Variants in PCDHGB5 observed in about 807,000 individuals in gnomAD.
PCDHGB5 encodes protocadherin gamma subfamily B, 5.
In PCDHGB5, 48 loss-of-function variants were observed where a neutral mutation model predicts 62.9. That is an observed-to-expected ratio of 0.76 (90% CI 0.61 to 0.97). The LOEUF is 0.97. Among genes scored for constraint, PCDHGB5 ranks in the 50% least tolerant of loss-of-function variants. The pLI, the probability that PCDHGB5 is intolerant of heterozygous loss-of-function variation, is 0.00. For missense variants in PCDHGB5, 1,118 were observed against 1,198.6 expected (o/e 0.93, Z 0.99); for synonymous variants, 474 against 511.2 (o/e 0.93, Z 0.98).
chr5:141,414,435 C>T lies in PCDHGB5; in HGVS notation c.2397+13911C>T, dbSNP rs891322256. 4.3e-6 allele frequency: 7 copies of T among 1,613,678 alleles called. No homozygotes were observed. In the African/African-American group the frequency reaches 8.0e-5, roughly 18 times the overall value. On this transcript the variant is annotated intron_variant, in intron 1 of 3. Coordinates refer to ENST00000617380, the MANE Select transcript of PCDHGB5 (RefSeq NM_018925.3). ...GAGCCCTTGACAGGGAACAGGTATC[C>T]TCTTACAATATCACAGTGACAGCCA...
rs2099727742 is a variant in PCDHGB5 at position 141,491,740 on chromosome 5, G to C, written c.2398-3067G>C. On this transcript the variant is annotated intron_variant, in intron 1 of 3. Coordinates refer to ENST00000617380, the MANE Select transcript of PCDHGB5 (RefSeq NM_018925.3). The surrounding 1 kb of genome is among the most constrained non-coding windows in gnomAD (Gnocchi z 6.9). Reference sequence around the variant, plus strand: ...GCCGCCCCGGGCGACCCCTGGGGGCGGCACTGGAGAAGCCGCCCGTCCTCA... The same window carrying C: ...GCCGCCCCGGGCGACCCCTGGGGGCCGCACTGGAGAAGCCGCCCGTCCTCA... The C allele has an allele frequency of 6.3e-7, 1 of 1,597,622 alleles. No homozygotes were observed. The highest frequency in any genetic ancestry group is 8.5e-7 in the Non-Finnish European group (1 of 1,173,228).
chr5:141,412,131 G>A (rs2095537626), intron 1 of PCDHGB5: 1 of 152,156 alleles, frequency 6.6e-6, no homozygotes, highest in Non-Finnish European at 1.5e-5. Flanking sequence ...CTGGACTTTG[G>A]CCTCTGATAC....
chr5:141,500,345 A>G (rs1459262760), intron 2 of PCDHGB5, among the ~76,000 whole-genome samples: 3 of 151,916 alleles, frequency 2.0e-5, no homozygotes, highest in Non-Finnish European at 4.4e-5. Context: ...AATAGCTGGG[A>G]CTACAGGCGC....
At position 141,491,765 on chromosome 5, in the gene PCDHGB5, A is replaced by C; in HGVS notation, c.2398-3042A>C. 1 of 1,569,230 alleles carries C rather than the reference A, an allele frequency of 6.4e-7. No homozygotes were observed. On this transcript the variant is annotated intron_variant, in intron 1 of 3. Coordinates refer to ENST00000617380, the MANE Select transcript of PCDHGB5 (RefSeq NM_018925.3). This position sits in a 1 kb window ranked among gnomAD's most constrained non-coding sequence, Gnocchi z 6.9. The stretch of plus-strand genomic sequence containing the variant: ...GGCACTGGAGAAGCCGCCCGTCCTC[A>C]TAAGGGATTGAACTTGCATCCACTC...
At chr5:141,506,487 G>A (rs1265051912) in intron 3 of PCDHGB5, among the ~76,000 whole-genome samples, 3 of 150,464 alleles carry the variant, frequency 2.0e-5, no homozygotes, top group Non-Finnish European at 4.4e-5. Flanking sequence ...TTAGAGGCAG[G>A]CCAATCTGGA....
chr5:141,408,446 G>C (rs371079756), intron 1 of PCDHGB5: 180 of 1,613,946 alleles, frequency 1.1e-4, no homozygotes, highest in Non-Finnish European at 1.5e-4. Context: ...CGCGGAGAGC[G>C]GGGACTTACT....
intron 1 of PCDHGB5, chr5:141,416,446 G>A (rs192789193): frequency 8.5e-5 from 13 of 152,284 alleles, no homozygotes; most frequent in East Asian, 5.8e-4. Context: ...GTAAATATGG[G>A]TTGGGAAGAC....
intron 1 of PCDHGB5, among the ~76,000 whole-genome samples, chr5:141,450,685 C>T (rs542985781): frequency 6.6e-6 from 1 of 152,020 alleles, no homozygotes; most frequent in South Asian, 2.1e-4. Context: ...CGGGGTTTTG[C>T]CATGTTGCCC....
At chr5:141,427,712 C>CCTGG (rs1319672065) in intron 1 of PCDHGB5, 7 of 1,051,350 alleles carry the variant, frequency 6.7e-6, no homozygotes, top group Non-Finnish European at 1.0e-5. Context: ...GCGCCTCTGA[C>CCTGG]CTGGACCTAG....
chr5:141,404,314 A>G (rs772060934), intron 1 of PCDHGB5: 1 of 1,613,922 alleles, frequency 6.2e-7, no homozygotes, highest in East Asian at 2.2e-5. Context: ...CTTTCTCTCA[A>G]GCCTCCTACT....
Position 141,431,690 on chromosome 5 carries a change from G to A in PCDHGB5, c.2397+31166G>A. 1.2e-6 allele frequency: 2 copies of A among 1,614,234 alleles called. No individual in the cohort carries two copies. Among genetic ancestry groups the A allele is most frequent in the Non-Finnish European group, 8.5e-7 (1 of 1,180,040 alleles). On this transcript the variant is annotated intron_variant, in intron 1 of 3. Coordinates refer to ENST00000617380, the MANE Select transcript of PCDHGB5 (RefSeq NM_018925.3). The surrounding 1 kb of genome is among the most constrained non-coding windows in gnomAD (Gnocchi z 4.8). ...AACAATAGGGGAGTTGGACCACGAG[G>A]AGTCAGGATTCTACCAGATGGAAGT... is the stretch of plus-strand genomic sequence containing the variant.
At chr5:141,464,929 G>A (rs1358204606) in intron 1 of PCDHGB5, among the ~76,000 whole-genome samples, 1 of 151,878 alleles carries the variant, frequency 6.6e-6, no homozygotes, top group Non-Finnish European at 1.5e-5. Flanking sequence ...TTGTAGAGAT[G>A]TGAGGTCTCA....
rs1328476453 is a variant in PCDHGB5, at chr5:141,431,444, C to T, written c.2397+30920C>T. 4.3e-6 allele frequency: 7 copies of T among 1,613,732 alleles called. No homozygotes were observed. The highest frequency in any genetic ancestry group is 5.9e-6 in the Non-Finnish European group (7 of 1,180,022). On this transcript the variant is annotated intron_variant, in intron 1 of 3. Transcript: ENST00000617380. The surrounding 1 kb of genome is among the most constrained non-coding windows in gnomAD (Gnocchi z 4.8). ...GGTGCGCACAGGCACCGCGCGCATCCGCGTGATGGTTCTGGATGCGAACGA... is the reference window on the plus strand; with the variant it reads ...GGTGCGCACAGGCACCGCGCGCATCTGCGTGATGGTTCTGGATGCGAACGA...
chr5:141,413,567 A>G (rs950241336), intron 1 of PCDHGB5: 2 of 1,613,936 alleles, frequency 1.2e-6, no homozygotes, highest in Admixed American at 1.7e-5. Context: ...ACTGATATCA[A>G]TGACAATGCT....
intron 1 of PCDHGB5, among the ~76,000 whole-genome samples, chr5:141,449,177 G>T (rs2098631167): frequency 6.6e-6 from 1 of 152,028 alleles, no homozygotes. Flanking sequence ...AATTTTCTTA[G>T]GTATTTTCAC....
chr5:141,450,823 A>ATT (rs1453980247), intron 1 of PCDHGB5, among the ~76,000 whole-genome samples: 2 of 133,076 alleles, frequency 1.5e-5, no homozygotes, highest in East Asian at 2.2e-4. Flanking sequence ...TAATATTATT[A>ATT]TTATTATTTT....
At chr5:141,407,943 T>C (rs575027782) in intron 1 of PCDHGB5, 7 of 537,790 alleles carry the variant, frequency 1.3e-5, no homozygotes, top group African/African-American at 7.6e-5. Flanking sequence ...TGGGCGCCGC[T>C]GTCGGCCAGT....
chr5:141,492,360 G>A (rs2099739696), intron 1 of PCDHGB5, among the ~76,000 whole-genome samples: 1 of 152,190 alleles, frequency 6.6e-6, no homozygotes, highest in African/African-American at 2.4e-5. Context: ...CCACTCGCTC[G>A]CGGCCAGATT....
chr5:141,415,477 CGAAA>C (rs764359660), intron 1 of PCDHGB5: 56 of 1,614,066 alleles, frequency 3.5e-5, no homozygotes, highest in Middle Eastern at 3.3e-4. Context: ...CGCGGACTCG[CGAAA>C]GAGTCACCTG....
Sources: gnomAD v4.1 joint callset for allele counts (sites outside exome capture counted in the v4.1 genomes callset) on GRCh38, gnomAD v4.1.1 for gene constraint, Gnocchi (gnomAD v3.1) non-coding constraint, MANE v1.5 for transcripts, NCBI Gene and HGNC (gene_info 2026-07-23, HGNC 2026-07-21) for gene names.